ZNF480: variants seen among roughly 807,000 people sequenced by gnomAD.
The protein encoded by ZNF480 is zinc finger protein 480.
A neutral mutation model predicts 14.4 loss-of-function variants in ZNF480; 15 were observed. The observed-to-expected ratio is 1.04, with a 90% confidence interval of 0.70 to 1.60. ZNF480 has a LOEUF of 1.60. ZNF480 is among the 40% of genes most tolerant of loss of function. The pLI is 0.00. For synonymous variants in ZNF480, 218 were observed against 215.5 expected, an observed-to-expected ratio of 1.01 and a Z score of -0.10; for missense variants, 593 against 629.7, an observed-to-expected ratio of 0.94 and a Z score of 0.62.
At chr19:52,297,325 C>T (rs970111465) in intron 1 of ZNF480, 102 bp downstream of exon 1, 5 of 406,440 alleles carry the variant, frequency 1.2e-5, no homozygotes, top group Admixed American at 1.1e-4. Context: ...CCTCGCACCG[C>T]TCCCTCTACC....
chr19:52,318,851 A>G (rs1022377128), intron 4 of ZNF480, among the ~76,000 whole-genome samples: 1 of 151,136 alleles, frequency 6.6e-6, no homozygotes, highest in Non-Finnish European at 1.5e-5. Context: ...TGGCTTCTCT[A>G]TTCTTGCTTT....
chr19:52,306,931 C>T (rs1982960556), intron 2 of ZNF480, among the ~76,000 whole-genome samples: 1 of 152,126 alleles, frequency 6.6e-6, no homozygotes. Flanking sequence ...TCTTTTTCTT[C>T]AAAATGATGA....
In ZNF480 at chr19:52,317,079, G is replaced by A. The variant is rs1983594304; in HGVS notation, c.328+1117G>A. 2.6e-5 allele frequency among the ~76,000 whole-genome samples: 4 copies of A among 152,000 alleles called. No individual in the cohort carries two copies. The South Asian group carries it at 6.2e-4, about 24-fold the overall frequency. ...CTCGCCCAGGCTGAAGTGCAGTGGCGTGATCTTGGCTCACTGCAACCTCCA... is the reference window on the plus strand; with the variant it reads ...CTCGCCCAGGCTGAAGTGCAGTGGCATGATCTTGGCTCACTGCAACCTCCA... On this transcript the variant is annotated intron_variant, in intron 4 of 4. Transcript: ENST00000595962.
At chr19:52,310,930 G>A (rs544473365) in intron 2 of ZNF480, among the ~76,000 whole-genome samples, 12 of 149,350 alleles carry the variant, frequency 8.0e-5, no homozygotes, top group African/African-American at 2.7e-4. Flanking sequence ...GCGTGAACCC[G>A]GGAGGCAGAG....
At chr19:52,305,733 A>G (rs321913) in intron 2 of ZNF480, among the ~76,000 whole-genome samples, 132,360 of 152,122 alleles carry the variant, frequency 0.87, 57,725 homozygotes, top group African/African-American at 0.93. Flanking sequence ...ACTACCAGCT[A>G]TGGCAGGGGA....
chr19:52,297,596 A>G (rs1297831387), intron 1 of ZNF480, among the ~76,000 whole-genome samples: 1 of 152,126 alleles, frequency 6.6e-6, no homozygotes. Context: ...CAGCGCTCCA[A>G]TCTCAATCCA....
chr19:52,313,725 C>A (rs1042855657), intron 2 of ZNF480: 15 of 341,798 alleles, frequency 4.4e-5, no homozygotes, highest in African/African-American at 6.5e-5. Context: ...GGTGGTGGCT[C>A]ACACCTGTAA....
chr19:52,310,568 C>G (rs1434832065), intron 2 of ZNF480, among the ~76,000 whole-genome samples: 1 of 151,972 alleles, frequency 6.6e-6, no homozygotes, highest in Middle Eastern at 3.2e-3. Flanking sequence ...CTTTTCCCTG[C>G]CTTAAAGTCA....
At chr19:52,307,385 TACTC>T (rs914383558) in intron 2 of ZNF480, 6 of 152,268 alleles carry the variant, frequency 3.9e-5, no homozygotes, top group Admixed American at 2.6e-4. Flanking sequence ...CTCCCCTTCT[TACTC>T]ACCGCAGGGA....
intron 4 of ZNF480, among the ~76,000 whole-genome samples, chr19:52,319,607 A>G (rs1430227168): frequency 6.6e-6 from 1 of 152,060 alleles, no homozygotes; most frequent in East Asian, 1.9e-4. Flanking sequence ...CTTGAATTGT[A>G]TATTCAGGTC....
At chr19:52,314,441 T>C (rs987654900) in intron 3 of ZNF480, among the ~76,000 whole-genome samples, 162 bp downstream of exon 3, 4 of 135,060 alleles carry the variant, frequency 3.0e-5, no homozygotes, top group Non-Finnish European at 6.1e-5. Context: ...ATCACGTCAT[T>C]GCCAGCCTGC....
At chr19:52,305,819 C>T (rs1261298228) in intron 2 of ZNF480, among the ~76,000 whole-genome samples, 3 of 152,172 alleles carry the variant, frequency 2.0e-5, no homozygotes, top group South Asian at 4.1e-4. Flanking sequence ...GGACGGGCCC[C>T]TCATGGCGTT....
chr19:52,310,554 C>T (rs548795505), intron 2 of ZNF480, among the ~76,000 whole-genome samples: 49 of 152,138 alleles, frequency 3.2e-4, no homozygotes, highest in African/African-American at 1.2e-3. Context: ...CACAGACCAG[C>T]CCCCTTTTCC....
chr19:52,319,343 G>T (rs757142267), intron 4 of ZNF480, among the ~76,000 whole-genome samples: 1 of 152,006 alleles, frequency 6.6e-6, no homozygotes, highest in Non-Finnish European at 1.5e-5. Flanking sequence ...CTTTATTTTT[G>T]CAGGTGACTT....
intron 1 of ZNF480, among the ~76,000 whole-genome samples, chr19:52,298,840 G>A (rs995827861): frequency 6.6e-6 from 1 of 151,942 alleles, no homozygotes; most frequent in African/African-American, 2.4e-5. Context: ...GGGGAAAAAA[G>A]CTAGAGAAAG....
At chr19:52,314,542 A>G (rs949864243) in intron 3 of ZNF480, among the ~76,000 whole-genome samples, 1 of 149,642 alleles carries the variant, frequency 6.7e-6, no homozygotes, top group African/African-American at 2.5e-5. Flanking sequence ...CGTGGCTCAC[A>G]CCTGTAATCC....
At chr19:52,307,583 A>G (rs967266430) in intron 2 of ZNF480, 1 of 152,258 alleles carries the variant, frequency 6.6e-6, no homozygotes, top group African/African-American at 2.4e-5. Context: ...AATAGACTGT[A>G]AAGTGTGATC....
chr19:52,321,791 A>G lies in ZNF480; in HGVS notation c.541A>G (p.Arg181Gly). The change falls in exon 5 of 5, where the codon AGG (arginine) becomes GGG (glycine). Residue 181 changes from arginine (R) to glycine (G), a missense_variant. By Grantham distance (125) the Arg-to-Gly change is moderately radical (BLOSUM62 -2). Transcript: ENST00000595962. ...SSSVKTPIFNRNDFDDSSFLP... is the reference protein window; with the variant it reads ...SSSVKTPIFNGNDFDDSSFLP... Reference sequence around the variant, plus strand: ...CAGTGTCAAAACCCCCATTTTTAATAGGAATGATTTTGATGATTCTTCATT... The same window carrying G: ...CAGTGTCAAAACCCCCATTTTTAATGGGAATGATTTTGATGATTCTTCATT... The G allele has an allele frequency of 2.5e-6, 4 of 1,613,586 alleles. No individual in the cohort carries two copies. The highest frequency in any genetic ancestry group is 3.4e-6 in the Non-Finnish European group (4 of 1,179,744).
At chr19:52,316,717 C>A (rs754391655) in intron 4 of ZNF480, among the ~76,000 whole-genome samples, 1 of 152,142 alleles carries the variant, frequency 6.6e-6, no homozygotes, top group Non-Finnish European at 1.5e-5. Flanking sequence ...ATTCCCCCGA[C>A]AATTTCACTG....
Sources: allele counts gnomAD v4.1 joint callset (sites outside exome capture counted in the v4.1 genomes callset), GRCh38; gene constraint gnomAD v4.1.1; transcripts MANE v1.5; gene names NCBI Gene and HGNC (gene_info 2026-07-23, HGNC 2026-07-21).